Variants in PNPLA8 observed in about 807,000 individuals in gnomAD.
PNPLA8 encodes patatin like domain 8, phospholipase A2.
In PNPLA8, 39 loss-of-function variants were observed where a neutral mutation model predicts 76.9. That is an observed-to-expected ratio of 0.51 (90% CI 0.39 to 0.66). PNPLA8 has a LOEUF of 0.66. Ranked by LOEUF, PNPLA8 falls within the 30% of genes least tolerant of loss-of-function variation. PNPLA8 has a pLI of 0.00. For synonymous variants in PNPLA8, 301 were observed against 307.9 expected, an observed-to-expected ratio of 0.98 and a Z score of 0.24; for missense variants, 887 against 918.0, an observed-to-expected ratio of 0.97 and a Z score of 0.44.
intron 1 of PNPLA8, among the ~76,000 whole-genome samples, chr7:108,523,197 T>A (rs1398241941): frequency 6.6e-6 from 1 of 152,166 alleles, no homozygotes. Context: ...ATTAAGGGAA[T>A]TGTTAGATGG....
In PNPLA8 at chr7:108,514,454, T is replaced by G. The variant is rs1863153008; in HGVS notation, c.1038A>C (p.Leu346Phe). The change falls in exon 3 of 11, where the codon TTA becomes TTC. Residue 346 changes from leucine to phenylalanine, a missense_variant. Leu to Phe is a conservative substitution (Grantham distance 22, BLOSUM62 0). Transcript: ENST00000257694. Reference sequence around the variant, plus strand: ...AACTTGCCTTTTCTCGCTGAAGAGATAAACGCTTTTTCTCCTCTGCATTTC... The same window carrying G: ...AACTTGCCTTTTCTCGCTGAAGAGAGAAACGCTTTTTCTCCTCTGCATTTC... ...KDRNAEEKKR[L>F]SLQREKIIAR... 6.2e-7 allele frequency: 1 copy of G among 1,609,882 alleles called. No homozygotes were observed. Among genetic ancestry groups the G allele is most frequent in the South Asian group, 1.1e-5 (1 of 90,774 alleles).
chr7:108,517,249 A>G (rs1182826549), intron 2 of PNPLA8, among the ~76,000 whole-genome samples: 1 of 152,230 alleles, frequency 6.6e-6, no homozygotes, highest in African/African-American at 2.4e-5. Flanking sequence ...CAGAACATTG[A>G]GAACACTAAA....
chr7:108,526,460 C>T (rs903550374), upstream of PNPLA8: 2 of 153,258 alleles, frequency 1.3e-5, no homozygotes, highest in Non-Finnish European at 2.9e-5. Context: ...GTTTTGCCTT[C>T]CTGGGCGGGA....
rs1863238311 is a variant in PNPLA8, at chr7:108,515,174, A to T, written c.318T>A (p.Ser106Arg). 1 of 1,607,052 alleles carries T rather than the reference A, an allele frequency of 6.2e-7. No individual in the cohort carries two copies. The highest frequency in any genetic ancestry group is 8.5e-7 in the Non-Finnish European group (1 of 1,175,376). ...KVNICMSRIK[S>R]TLNSVSKAVF... ...CAGCCTTTGAAACAGAGTTCAAAGT[A>T]CTTTTAATACGGGACATACAAATGT... is the stretch of plus-strand genomic sequence containing the variant. The change falls in exon 3 of 11, where the codon AGT becomes AGA. Residue 106 changes from serine (S) to arginine (R), a missense_variant. Ser to Arg is a moderately radical substitution (Grantham distance 110). Coordinates refer to ENST00000257694, the MANE Select transcript of PNPLA8 (RefSeq NM_001256007.3).
intron 7 of PNPLA8, 145 bp from the exon 8 acceptor site, chr7:108,491,612 C>T: frequency 1.7e-6 from 1 of 590,932 alleles, no homozygotes; most frequent in Non-Finnish European, 3.0e-6. Flanking sequence ...CTCTAGGAGG[C>T]TTATAATTCC....
At chr7:108,505,324 ATATATATATATATATATATATATATATAT>A (rs1862285356) in intron 4 of PNPLA8, among the ~76,000 whole-genome samples, 2 of 4,652 alleles carry the variant, frequency 4.3e-4, no homozygotes, top group African/African-American at 1.7e-3. Context: ...ATATATATAT[ATATATATATATATATATATATATATATAT>A]TTTTTTTTTT....
intron 4 of PNPLA8, chr7:108,510,857 C>T (rs1332005653): frequency 1.4e-5 from 23 of 1,596,104 alleles, no homozygotes; most frequent in Middle Eastern, 3.4e-4. Flanking sequence ...CTTCCTGTGG[C>T]CCTTCAAATT....
chr7:108,503,308 TAGTC>T (rs1245802502), intron 4 of PNPLA8, among the ~76,000 whole-genome samples: 2 of 152,228 alleles, frequency 1.3e-5, no homozygotes, highest in Admixed American at 6.5e-5. Context: ...GCATCTTACA[TAGTC>T]AGTACCGCAG....
chr7:108,489,747 T>C (rs892315643), intron 8 of PNPLA8, among the ~76,000 whole-genome samples: 2 of 152,156 alleles, frequency 1.3e-5, no homozygotes, highest in African/African-American at 4.8e-5. Flanking sequence ...GCTGCACTTG[T>C]TTGATTTTTC....
At chr7:108,512,454 C>T (rs1475641540) in intron 4 of PNPLA8, among the ~76,000 whole-genome samples, 2 of 152,062 alleles carry the variant, frequency 1.3e-5, no homozygotes, top group African/African-American at 2.4e-5. Context: ...CAGACAATTC[C>T]CTAAATGTGG....
intron 9 of PNPLA8, 159 bp from the exon 10 acceptor site, chr7:108,479,538 T>C (rs1320833692): frequency 1.1e-5 from 7 of 633,914 alleles, no homozygotes; most frequent in Middle Eastern, 4.9e-4. Context: ...CGAAGACTCA[T>C]TGGTCTCATA....
chr7:108,518,758 T>TACACAC (rs149337584), intron 2 of PNPLA8, among the ~76,000 whole-genome samples: 4 of 123,076 alleles, frequency 3.3e-5, no homozygotes, highest in African/African-American at 1.2e-4. Context: ...TATATATATA[T>TACACAC]ACACACACAC....
intron 10 of PNPLA8, among the ~76,000 whole-genome samples, chr7:108,475,747 T>C (rs1859944766): frequency 6.6e-6 from 1 of 152,144 alleles, no homozygotes; most frequent in South Asian, 2.1e-4. Context: ...TATGCTATAG[T>C]GTAGAAACTC....
intron 9 of PNPLA8, among the ~76,000 whole-genome samples, chr7:108,486,625 T>A (rs1860755106): frequency 6.6e-6 from 1 of 152,060 alleles, no homozygotes. Flanking sequence ...TTATATTACT[T>A]AAAGATTAAA....
intron 9 of PNPLA8, among the ~76,000 whole-genome samples, chr7:108,487,278 G>A (rs750717140): frequency 3.9e-5 from 6 of 152,044 alleles, no homozygotes; most frequent in Admixed American, 6.6e-5. Flanking sequence ...ACTCTACCTC[G>A]TAAGTAGCAA....
In PNPLA8 at chr7:108,470,481, C is replaced by T. The variant is rs1408257527; in HGVS notation, c.*1920G>A. 6.6e-6 allele frequency: 1 copy of T among 150,704 alleles called. No homozygotes were observed. The highest frequency in any genetic ancestry group is 1.5e-5 in the Non-Finnish European group (1 of 67,758). The allele number at this position is 150,704 out of a possible 1,614,324, so 9.3% of individuals were successfully genotyped here. A position where few individuals can be genotyped will look rare whatever the true frequency, so the allele number is the denominator to read the frequency against. On this transcript the variant is annotated 3_prime_UTR_variant, in exon 11 of 11. Transcript: ENST00000257694. Reference sequence around the variant, plus strand: ...AAGCCAAGCACAAATAAGGGACATACTTAACTTCAGCTGTAAAACAGATGA... The same window carrying T: ...AAGCCAAGCACAAATAAGGGACATATTTAACTTCAGCTGTAAAACAGATGA...
chr7:108,499,257 T>A (rs1015987354), intron 5 of PNPLA8, among the ~76,000 whole-genome samples: 49 of 152,278 alleles, frequency 3.2e-4, no homozygotes, highest in Non-Finnish European at 7.2e-4. Flanking sequence ...GTTTTGGGGT[T>A]TTTTTCTCTC....
At chr7:108,523,443 A>G (rs1007965217) in intron 1 of PNPLA8, among the ~76,000 whole-genome samples, 5 of 151,658 alleles carry the variant, frequency 3.3e-5, no homozygotes, top group Admixed American at 3.3e-4. Context: ...TTTCCCAGAA[A>G]TTTATAAGTA....
At chr7:108,474,369 A>G (rs930734465) in intron 10 of PNPLA8, among the ~76,000 whole-genome samples, 15 of 152,154 alleles carry the variant, frequency 9.9e-5, no homozygotes, top group Non-Finnish European at 2.2e-4. Context: ...TAAGCATTGT[A>G]CTGGAGGGTC....
Sources: gnomAD v4.1 joint callset for allele counts (sites outside exome capture counted in the v4.1 genomes callset) on GRCh38, gnomAD v4.1.1 for gene constraint, MANE v1.5 for transcripts, NCBI Gene and HGNC (gene_info 2026-07-23, HGNC 2026-07-21) for gene names.